Variants in PRDM1 observed in about 807,000 individuals in gnomAD.
The protein encoded by PRDM1 is PR/SET domain 1.
A neutral mutation model predicts 62.8 loss-of-function variants in PRDM1; 13 were observed. The observed-to-expected ratio is 0.21, with a 90% CI of 0.13 to 0.33. The LOEUF (loss-of-function observed/expected upper bound fraction) is 0.33. Among genes scored for constraint, PRDM1 ranks in the 10% least tolerant of loss-of-function variants. The pLI, the probability that PRDM1 is intolerant of heterozygous loss-of-function variation, is 1.00. For synonymous variants in PRDM1, 396 were observed against 417.6 expected, an observed-to-expected ratio of 0.95 and a Z score of 0.63; for missense variants, 895 against 1,058.8, an observed-to-expected ratio of 0.85 and a Z score of 2.15.
At chr6:106,014,677 T>G (rs114896394) in intron 1 of PRDM1, among the ~76,000 whole-genome samples, 5,324 of 150,228 alleles carry the variant, frequency 0.035, 208 homozygotes, top group African/African-American at 0.097. Context: ...TACTATAAAT[T>G]TATTTAATAT....
rs1476031186 is a variant in PRDM1, at chr6:106,107,070, A to G, written c.2062A>G (p.Lys688Glu). Reference protein sequence around the residue: ...KRLHTRERPHKCSQCHKNYIH... With the variant: ...KRLHTRERPHECSQCHKNYIH... ...TCTGCACACCCGGGAGCGGCCCCAC[A>G]AGTGCTCCCAGTGCCACAAGAACTA... is the stretch of plus-strand genomic sequence containing the variant. Residue 688 changes from lysine to glutamate, a missense_variant, in exon 7 of 7, where the codon AAG (lysine) becomes GAG (glutamate). Transcript: ENST00000369096. 1 of 1,614,022 alleles carries G rather than the reference A, an allele frequency of 6.2e-7. No individual in the cohort carries two copies. The highest frequency in any genetic ancestry group is 2.2e-5 in the East Asian group (1 of 44,892).
At chr6:106,078,340 C>A (rs2114606942) in intron 1 of PRDM1, 3 of 152,132 alleles carry the variant, frequency 2.0e-5, no homozygotes, top group Admixed American at 2.0e-4. Flanking sequence ...AAAATGAGAC[C>A]CAGTTTAGAA....
intron 1 of PRDM1, among the ~76,000 whole-genome samples, chr6:106,061,460 C>A (rs1045463933): frequency 2.0e-5 from 3 of 152,224 alleles, no homozygotes; most frequent in Non-Finnish European, 4.4e-5. Flanking sequence ...TACATGCCTG[C>A]CAGGATGTCC....
In PRDM1 at chr6:106,098,924, T is replaced by A. The variant is rs1774188393; in HGVS notation, c.412-376T>A. On this transcript the variant is annotated intron_variant, in intron 3 of 6. Transcript: ENST00000369096. ...TGACTCAAAGCACTAAAAGTCAGCA[T>A]AATCGGAACTGAAGTCAGTAGCATC... 3.3e-6 allele frequency: 5 copies of A among 1,515,060 alleles called. No homozygotes were observed. In the South Asian group the frequency reaches 5.2e-5, roughly 16 times the overall value. The allele number at this position is 1,515,060 out of a possible 1,614,324, so 93.9% of individuals were successfully genotyped here.
chr6:106,063,076 G>C lies in PRDM1; in HGVS notation c.-67+14362G>C, dbSNP rs984041663. Among the ~76,000 whole-genome samples the C allele has an allele frequency of 1.1e-4, 17 of 152,280 alleles. No individual in the cohort carries two copies. In the South Asian group the frequency reaches 3.3e-3, roughly 30 times the overall value. Reference sequence around the variant, plus strand: ...GTTGTTTTCCTGGGGCTTCCTGACTGTGACCACTGCTCAGCTCTTAAAACT... The same window carrying C: ...GTTGTTTTCCTGGGGCTTCCTGACTCTGACCACTGCTCAGCTCTTAAAACT... On this transcript the variant is annotated intron_variant, in intron 1 of 6. Transcript: ENST00000651185.
At chr6:106,069,693 A>C (rs1773482028) in intron 1 of PRDM1, among the ~76,000 whole-genome samples, 1 of 152,222 alleles carries the variant, frequency 6.6e-6, no homozygotes. Flanking sequence ...CCCCTAATAC[A>C]GTCTGTTCTT....
At chr6:106,098,928 C>G in intron 3 of PRDM1, 3 of 1,516,276 alleles carry the variant, frequency 2.0e-6, no homozygotes, top group Non-Finnish European at 2.7e-6. Context: ...TCAGCATAAT[C>G]GGAACTGAAG....
chr6:105,995,473 G>C (rs2114537194), intron 1 of PRDM1, among the ~76,000 whole-genome samples: 1 of 152,342 alleles, frequency 6.6e-6, no homozygotes, highest in East Asian at 1.9e-4. Flanking sequence ...GGCAGTCATT[G>C]CTGAAGCTAC....
intron 1 of PRDM1, among the ~76,000 whole-genome samples, chr6:106,031,655 G>A (rs939320120): frequency 6.6e-6 from 1 of 152,222 alleles, no homozygotes; most frequent in African/African-American, 2.4e-5. Flanking sequence ...TGAATGCCAG[G>A]CAATGGGGAC....
chr6:106,096,679 C>T (rs1774125702), intron 3 of PRDM1, among the ~76,000 whole-genome samples: 1 of 152,152 alleles, frequency 6.6e-6, no homozygotes, highest in African/African-American at 2.4e-5. Flanking sequence ...CTAGCCAGTA[C>T]AATTTCCTTT....
upstream of PRDM1, among the ~76,000 whole-genome samples, chr6:106,048,308 G>T (rs1305898514): frequency 2.6e-5 from 4 of 151,818 alleles, no homozygotes; most frequent in Non-Finnish European, 4.4e-5. Flanking sequence ...GATTGCTGGA[G>T]CCCAGGAGTC....
At chr6:105,997,275 AT>A (rs1028496329) in intron 1 of PRDM1, among the ~76,000 whole-genome samples, 1 of 151,420 alleles carries the variant, frequency 6.6e-6, no homozygotes. Context: ...CTGTTGAATG[AT>A]TTTTTTTTAT....
chr6:105,993,671 A>C (rs1233078051), intron 1 of PRDM1, among the ~76,000 whole-genome samples: 3 of 152,214 alleles, frequency 2.0e-5, no homozygotes, highest in Non-Finnish European at 4.4e-5. Context: ...CTATTTTAGG[A>C]AACAGATTTT....
chr6:105,995,218 C>G (rs1383404410), intron 1 of PRDM1, among the ~76,000 whole-genome samples: 7 of 151,670 alleles, frequency 4.6e-5, no homozygotes, highest in Non-Finnish European at 8.8e-5. Context: ...AGGGCACCTA[C>G]CCGGCGTTGT....
upstream of PRDM1, chr6:106,045,568 G>T (rs1582436963): frequency 2.0e-5 from 3 of 152,268 alleles, no homozygotes; most frequent in East Asian, 5.8e-4. Flanking sequence ...AATCAACGTT[G>T]TTCTCTTTTA....
chr6:106,048,378 G>C (rs918459159), upstream of PRDM1, among the ~76,000 whole-genome samples: 1 of 151,332 alleles, frequency 6.6e-6, no homozygotes, highest in Non-Finnish European at 1.5e-5. Context: ...CAGAGACAGT[G>C]TCTCAAAAAA....
At chr6:106,010,414 T>C (rs567638300) in intron 1 of PRDM1, among the ~76,000 whole-genome samples, 43 of 152,298 alleles carry the variant, frequency 2.8e-4, no homozygotes, top group South Asian at 1.0e-3. Flanking sequence ...TCAGCTCAAC[T>C]TTTTTGACTC....
At chr6:106,103,340 T>TC in intron 4 of PRDM1, among the ~76,000 whole-genome samples, 1 of 152,100 alleles carries the variant, frequency 6.6e-6, no homozygotes. Context: ...TCTAGACCTA[T>TC]CAGATAGCAA....
intron 1 of PRDM1, among the ~76,000 whole-genome samples, chr6:106,050,197 C>T (rs1773150758): frequency 6.6e-6 from 1 of 152,190 alleles, no homozygotes; most frequent in South Asian, 2.1e-4. Context: ...AGGCTGCTTC[C>T]ACAACCAGAT....
Sources: gnomAD v4.1 joint callset for allele counts (sites outside exome capture counted in the v4.1 genomes callset) on GRCh38, gnomAD v4.1.1 for gene constraint, MANE v1.5 for transcripts, NCBI Gene and HGNC (gene_info 2026-07-23, HGNC 2026-07-21) for gene names.